The following CCDC122 variants were observed in gnomAD, a reference collection of about 807,000 sequenced individuals.
The protein encoded by CCDC122 is coiled-coil domain-containing protein 122.
CCDC122 carries 38 observed loss-of-function variants against 37.0 expected under a neutral mutation model. That is an observed-to-expected ratio of 1.03 (90% CI 0.79 to 1.35). The LOEUF (loss-of-function observed/expected upper bound fraction) is 1.35. CCDC122 is among the 40% of genes most tolerant of loss of function. The probability of loss-of-function intolerance (pLI) is 0.00; values close to 1 mark genes in which losing one functional copy is unlikely to be tolerated. For missense variants in CCDC122, 305 were observed against 310.0 expected (o/e 0.98, Z 0.12); for synonymous variants, 83 against 95.6 (o/e 0.87, Z 0.77).
chr13:43,838,544 C>T (rs1953237680), intron 6 of CCDC122, among the ~76,000 whole-genome samples: 1 of 152,136 alleles, frequency 6.6e-6, no homozygotes, highest in African/African-American at 2.4e-5. Flanking sequence ...TTAAAGTGTA[C>T]AACTCAAGGG....
At chr13:43,822,675 C>T (rs556736098), downstream of CCDC122, among the ~76,000 whole-genome samples, 5 of 152,230 alleles carry the variant, frequency 3.3e-5, no homozygotes, top group Non-Finnish European at 7.3e-5. Context: ...TCCCACTCTT[C>T]TCCCTCCTTT....
At chr13:43,823,303 C>A (rs1282118110), downstream of CCDC122, among the ~76,000 whole-genome samples, 1 of 152,064 alleles carries the variant, frequency 6.6e-6, no homozygotes, top group Non-Finnish European at 1.5e-5. Context: ...TGTGGCTGGG[C>A]TGGTATCCAA....
At chr13:43,866,214 T>G (rs2153877585) in intron 4 of CCDC122, among the ~76,000 whole-genome samples, 1 of 152,344 alleles carries the variant, frequency 6.6e-6, no homozygotes, top group South Asian at 2.1e-4. Flanking sequence ...ACTTTTAGAA[T>G]GCAGCTCACT....
rs1414420141 is a variant in CCDC122 at position 43,858,805 on chromosome 13, ATG to A, written c.646_647del (p.His216Ter). ...CCTCTATTTCTTTTCTTAATTTTTC[ATG>A]TGTCTTTTTTTCTTCCTCAAGAAAA... ...TCFLEEEKKT[H>X]EKLRKEIEVQ... is the part of the protein sequence containing the mutation. On this transcript the variant is annotated frameshift_variant, in exon 6 of 7. Coordinates refer to ENST00000444614, the MANE Select transcript of CCDC122 (RefSeq NM_144974.5). LOFTEE classifies it high-confidence loss of function. 9.8e-6 allele frequency: 14 copies of A among 1,425,550 alleles called. No homozygotes were observed. Among genetic ancestry groups the A allele is most frequent in the East Asian group, 2.5e-5 (1 of 40,320 alleles). The allele number at this position is 1,425,550 out of a possible 1,614,324, so 88.3% of individuals were successfully genotyped here.
At chr13:43,827,836 T>C (rs985793142) in intron 3 of CCDC122, among the ~76,000 whole-genome samples, 3 of 152,148 alleles carry the variant, frequency 2.0e-5, no homozygotes, top group Admixed American at 6.6e-5. Context: ...TTAAATGAAG[T>C]TCAGCTTTAT....
At chr13:43,850,874 T>C (rs1294225643) in intron 6 of CCDC122, among the ~76,000 whole-genome samples, 1 of 152,132 alleles carries the variant, frequency 6.6e-6, no homozygotes, top group East Asian at 1.9e-4. Context: ...CAAAAGCATG[T>C]CATAGTAAAA....
intron 1 of CCDC122, among the ~76,000 whole-genome samples, chr13:43,877,413 C>A (rs964929122): frequency 6.6e-6 from 1 of 152,184 alleles, no homozygotes; most frequent in South Asian, 2.1e-4. Context: ...ATAAAAAAAG[C>A]CTTTTTTAGA....
chr13:43,869,204 C>T, intron 3 of CCDC122, 127 bp downstream of exon 3: 1 of 729,302 alleles, frequency 1.4e-6, no homozygotes, highest in Admixed American at 2.5e-5. Flanking sequence ...ATATGTTTGT[C>T]CCAGCTAAAT....
downstream of CCDC122, among the ~76,000 whole-genome samples, chr13:43,819,984 A>C (rs1177743895): frequency 3.3e-5 from 5 of 152,140 alleles, no homozygotes; most frequent in Admixed American, 2.0e-4. Context: ...TTGTCAATAA[A>C]ATTGTTATTA....
chr13:43,837,730 C>G lies in CCDC122; in HGVS notation c.673-301G>C, dbSNP rs568562172. Among the ~76,000 whole-genome samples, 11 of 152,030 alleles carry G rather than the reference C, an allele frequency of 7.2e-5. No individual in the cohort carries two copies. The South Asian group carries it at 2.1e-3, about 29-fold the overall frequency. ...GATAAAAGAGTTCAAGTAATTTGAC[C>G]AAAGTTTCATAGCTAGCAAGTGATG... On this transcript the variant is annotated intron_variant, in intron 6 of 6. Transcript: ENST00000444614.
chr13:43,856,137 A>G (rs538318540), intron 6 of CCDC122: 2 of 152,230 alleles, frequency 1.3e-5, no homozygotes, highest in Non-Finnish European at 2.9e-5. Flanking sequence ...GTTCTCACTT[A>G]TAAGTGGGAG....
chr13:43,824,543 A>G (rs975079245), intron 3 of CCDC122, among the ~76,000 whole-genome samples: 13 of 152,212 alleles, frequency 8.5e-5, no homozygotes, highest in African/African-American at 3.1e-4. Context: ...AACAAAAACA[A>G]AAATTGATAA....
intron 2 of CCDC122, among the ~76,000 whole-genome samples, chr13:43,873,397 G>A (rs1448893906): frequency 6.6e-6 from 1 of 152,054 alleles, no homozygotes; most frequent in Non-Finnish European, 1.5e-5. Context: ...CATTAAACCT[G>A]CACCTTCATA....
In CCDC122 at chr13:43,847,687, ATAAT is replaced by A. The variant is rs569887631; in HGVS notation, c.673-10262_673-10259del. On this transcript the variant is annotated intron_variant, in intron 6 of 6. Transcript: ENST00000444614. ...CTTCTTATACTTTCTACAAAAGAGA[ATAAT>A]TAGTTACTATATTATCTTTGCATCT... 1.9e-3 allele frequency among the ~76,000 whole-genome samples: 290 copies of A among 152,324 alleles called. 1 individual carries two copies. The highest frequency in any genetic ancestry group is 3.4e-3 in the Non-Finnish European group (234 of 68,030).
intron 3 of CCDC122, among the ~76,000 whole-genome samples, chr13:43,828,505 T>C (rs1393230167): frequency 6.6e-6 from 1 of 151,864 alleles, no homozygotes; most frequent in Non-Finnish European, 1.5e-5. Context: ...TGGTTTATGC[T>C]TCTGTTACAG....
intron 6 of CCDC122, chr13:43,858,152 T>C (rs1370607055): frequency 1.3e-5 from 2 of 152,182 alleles, no homozygotes; most frequent in Non-Finnish European, 2.9e-5. Context: ...AAAAACAAGT[T>C]GAAACATGCA....
intron 2 of CCDC122, among the ~76,000 whole-genome samples, chr13:43,869,825 G>A (rs1954389945): frequency 6.6e-6 from 1 of 151,990 alleles, no homozygotes; most frequent in Non-Finnish European, 1.5e-5. Flanking sequence ...AATAGATTCT[G>A]AGACTATAAC....
At chr13:43,862,458 A>T in intron 4 of CCDC122, among the ~76,000 whole-genome samples, 2 of 151,116 alleles carry the variant, frequency 1.3e-5, no homozygotes, top group Non-Finnish European at 3.0e-5. Context: ...CCACTATTCC[A>T]CTCCTCCTCT....
At chr13:43,878,630 A>G (rs1954741279) in intron 1 of CCDC122, among the ~76,000 whole-genome samples, 1 of 152,156 alleles carries the variant, frequency 6.6e-6, no homozygotes, top group African/African-American at 2.4e-5. Flanking sequence ...TTACTCTTGG[A>G]AGGTCGGATA....
Sources: gnomAD v4.1 joint callset for allele counts (sites outside exome capture counted in the v4.1 genomes callset) on GRCh38, gnomAD v4.1.1 for gene constraint, MANE v1.5 for transcripts, NCBI Gene and HGNC (gene_info 2026-07-23, HGNC 2026-07-21) for gene names.